Variants in JAZF1 observed in about 807,000 individuals in gnomAD.
JAZF1 encodes the protein juxtaposed with another zinc finger protein 1.
A neutral mutation model predicts 26.4 loss-of-function variants in JAZF1; 8 were observed. The ratio of observed to expected loss-of-function variants is 0.30; its 90% CI spans 0.18 to 0.55. JAZF1 has a LOEUF of 0.55. Among genes scored for constraint, JAZF1 ranks in the 20% least tolerant of loss-of-function variants. JAZF1 has a pLI of 0.94. For synonymous variants in JAZF1, 126 were observed against 122.3 expected (o/e 1.03, Z -0.20); for missense variants, 199 against 322.0 (o/e 0.62, Z 2.92).
intron 2 of JAZF1, among the ~76,000 whole-genome samples, chr7:27,959,291 A>C (rs1785150881): frequency 6.6e-6 from 1 of 152,154 alleles, no homozygotes; most frequent in Non-Finnish European, 1.5e-5. Context: ...CCTTTTACAT[A>C]AAATGTCATT....
intron 1 of JAZF1, among the ~76,000 whole-genome samples, chr7:28,105,327 C>A (rs1007122939): frequency 3.3e-5 from 5 of 152,148 alleles, no homozygotes; most frequent in East Asian, 3.8e-4. Flanking sequence ...AATAACAGTA[C>A]CTTTTACTTA....
intron 1 of JAZF1, among the ~76,000 whole-genome samples, chr7:28,104,068 C>T (rs1289594061): frequency 1.3e-5 from 2 of 152,186 alleles, no homozygotes; most frequent in Non-Finnish European, 2.9e-5. Context: ...GGGCAGGCTC[C>T]CACCTCAGGG....
chr7:27,874,781 G>A (rs1009452696), intron 3 of JAZF1, among the ~76,000 whole-genome samples: 1 of 152,186 alleles, frequency 6.6e-6, no homozygotes, highest in East Asian at 1.9e-4. Context: ...CTGGCTTGGC[G>A]TGGCACTGCC....
intron 3 of JAZF1, among the ~76,000 whole-genome samples, chr7:27,892,548 T>C (rs1395688232): frequency 6.6e-6 from 1 of 152,214 alleles, no homozygotes; most frequent in Non-Finnish European, 1.5e-5. Context: ...TTACTTCAGG[T>C]ATAAAACACA....
intron 4 of JAZF1, among the ~76,000 whole-genome samples, chr7:27,838,552 T>G (rs943693271): frequency 6.6e-6 from 1 of 152,162 alleles, no homozygotes; most frequent in Admixed American, 6.5e-5. Flanking sequence ...TGAGAACAAA[T>G]GAGGTGGTAG....
At chr7:28,069,177 G>C (rs1431266106) in intron 1 of JAZF1, among the ~76,000 whole-genome samples, 4 of 152,236 alleles carry the variant, frequency 2.6e-5, no homozygotes. Flanking sequence ...GCAGAGCAGA[G>C]AGCAGAGCCA....
Position 28,168,280 on chromosome 7 carries a change from G to A in JAZF1, c.115+12183C>T, listed in dbSNP as rs1200814653. ...GCCTGTAGTCCCAGCTACTCGGGAG[G>A]CTGAGACAGGAGAATGGTGTGAACC... On this transcript the variant is annotated intron_variant, in intron 1 of 4. Coordinates refer to ENST00000283928, the MANE Select transcript of JAZF1 (RefSeq NM_175061.4). 4.0e-5 allele frequency among the ~76,000 whole-genome samples: 6 copies of A among 151,670 alleles called. No homozygotes were observed. In the South Asian group the frequency reaches 1.3e-3, roughly 32 times the overall value.
intron 1 of JAZF1, among the ~76,000 whole-genome samples, chr7:28,111,500 A>G (rs932253684): frequency 6.6e-6 from 1 of 152,246 alleles, no homozygotes; most frequent in Admixed American, 6.5e-5. Context: ...CTAGGCCTTT[A>G]TAAAATATCA....
At chr7:27,928,702 C>T (rs1784637103) in intron 2 of JAZF1, among the ~76,000 whole-genome samples, 1 of 152,170 alleles carries the variant, frequency 6.6e-6, no homozygotes, top group Non-Finnish European at 1.5e-5. Flanking sequence ...AAACCAAATA[C>T]TGCGTGTTCT....
intron 1 of JAZF1, among the ~76,000 whole-genome samples, chr7:28,164,257 G>A (rs560238566): frequency 7.2e-5 from 11 of 152,340 alleles, no homozygotes; most frequent in African/African-American, 2.6e-4. Flanking sequence ...AATGCTTATT[G>A]TCTAAAGCTA....
intron 2 of JAZF1, among the ~76,000 whole-genome samples, chr7:27,934,983 A>C (rs1447501103): frequency 6.6e-6 from 1 of 152,262 alleles, no homozygotes; most frequent in African/African-American, 2.4e-5. Context: ...AGAATATAAA[A>C]AGAACTCTTA....
intron 1 of JAZF1, among the ~76,000 whole-genome samples, chr7:28,087,433 G>T (rs1784228372): frequency 6.6e-6 from 1 of 151,854 alleles, no homozygotes; most frequent in African/African-American, 2.4e-5. Flanking sequence ...GTGGTTTGGG[G>T]AATTTTCCTT....
intron 2 of JAZF1, among the ~76,000 whole-genome samples, chr7:27,935,353 A>C (rs1784750138): frequency 6.6e-6 from 1 of 152,240 alleles, no homozygotes; most frequent in East Asian, 1.9e-4. Flanking sequence ...ATATTCATAC[A>C]CAAGAACATT....
intron 1 of JAZF1, among the ~76,000 whole-genome samples, chr7:28,095,457 G>T (rs560486241): frequency 6.6e-6 from 1 of 152,108 alleles, no homozygotes; most frequent in Non-Finnish European, 1.5e-5. Context: ...ATCAGATCTT[G>T]TGAGAACTAA....
At chr7:27,999,642 A>C (rs1786093044) in intron 1 of JAZF1, among the ~76,000 whole-genome samples, 1 of 152,200 alleles carries the variant, frequency 6.6e-6, no homozygotes, top group African/African-American at 2.4e-5. Context: ...ATGTCTTATC[A>C]GCCCATTAAA....
At chr7:27,944,808 C>T (rs1192607752) in intron 2 of JAZF1, among the ~76,000 whole-genome samples, 1 of 152,022 alleles carries the variant, frequency 6.6e-6, no homozygotes, top group Non-Finnish European at 1.5e-5. Context: ...CTGAAGCCAG[C>T]CCTAGGGAGC....
At chr7:28,002,709 G>A (rs1782624055) in intron 1 of JAZF1, among the ~76,000 whole-genome samples, 1 of 152,124 alleles carries the variant, frequency 6.6e-6, no homozygotes, top group Admixed American at 6.6e-5. Flanking sequence ...ACTTAAGTGT[G>A]GCTGGGACTG....
chr7:27,928,071 A>G (rs897121777), intron 2 of JAZF1, among the ~76,000 whole-genome samples: 1 of 152,292 alleles, frequency 6.6e-6, no homozygotes, highest in Non-Finnish European at 1.5e-5. Flanking sequence ...AGCAACAGAG[A>G]CTTGTACTAA....
intron 2 of JAZF1, among the ~76,000 whole-genome samples, chr7:27,900,005 G>C (rs1162638901): frequency 6.6e-6 from 1 of 152,144 alleles, no homozygotes; most frequent in African/African-American, 2.4e-5. Context: ...GAGAACAAAA[G>C]GCTCATCCTC....
Sources: allele counts gnomAD v4.1 joint callset (sites outside exome capture counted in the v4.1 genomes callset), GRCh38; gene constraint gnomAD v4.1.1; transcripts MANE v1.5; gene names NCBI Gene and HGNC (gene_info 2026-07-23, HGNC 2026-07-21).